The following PRR16 variants were observed in gnomAD, a reference collection of about 807,000 sequenced individuals.
PRR16 encodes protein Largen.
PRR16 carries 6 observed loss-of-function variants against 18.2 expected under a neutral mutation model. The observed-to-expected ratio is 0.33, with a 90% CI of 0.18 to 0.65. The LOEUF is 0.65. PRR16 is among the 30% of genes least tolerant of loss of function. The pLI is 0.74. For missense variants in PRR16, 412 were observed against 376.6 expected (o/e 1.09, Z -0.78); for synonymous variants, 151 against 147.8 (o/e 1.02, Z -0.16).
At chr5:120,738,423 T>G in the PRR16 span, among the ~76,000 whole-genome samples, 1 of 152,132 alleles carries the variant, frequency 6.6e-6, no homozygotes, top group African/African-American at 2.4e-5. Context: ...ATATTTTTAT[T>G]TCACATTTTT....
At chr5:120,769,924 T>C in the PRR16 span, among the ~76,000 whole-genome samples, 1 of 143,838 alleles carries the variant, frequency 7.0e-6, no homozygotes, top group Admixed American at 7.0e-5. Flanking sequence ...AGGTGATATT[T>C]CGTTGTACTT....
chr5:120,566,175 T>C (rs990763811), intron 1 of PRR16, among the ~76,000 whole-genome samples: 8 of 152,172 alleles, frequency 5.3e-5, no homozygotes, highest in East Asian at 1.9e-4. Context: ...CCCAGCCCCA[T>C]TTTTTCTGTC....
At chr5:120,528,174 G>T (rs759624087) in intron 1 of PRR16, among the ~76,000 whole-genome samples, 32 of 152,262 alleles carry the variant, frequency 2.1e-4, no homozygotes, top group Non-Finnish European at 3.7e-4. Context: ...ATTCTAAAAG[G>T]TAGGTAGAAT....
chr5:120,622,231 C>T (rs939357162), intron 1 of PRR16, among the ~76,000 whole-genome samples: 1 of 151,992 alleles, frequency 6.6e-6, no homozygotes, highest in Non-Finnish European at 1.5e-5. Context: ...TTTCTGAGAC[C>T]TCAATATCTA....
At chr5:120,734,622 G>A in the PRR16 span, among the ~76,000 whole-genome samples, 8 of 152,008 alleles carry the variant, frequency 5.3e-5, no homozygotes, top group African/African-American at 1.9e-4. Flanking sequence ...AAAACAAAAT[G>A]CTTTTTACAT....
At chr5:120,745,388 G>T in the PRR16 span, among the ~76,000 whole-genome samples, 1 of 152,072 alleles carries the variant, frequency 6.6e-6, no homozygotes. Context: ...TTGGAAGTTT[G>T]TTCTCTTTAA....
At chr5:120,615,093 T>C (rs766789810) in intron 1 of PRR16, among the ~76,000 whole-genome samples, 1 of 152,210 alleles carries the variant, frequency 6.6e-6, no homozygotes, top group Non-Finnish European at 1.5e-5. Flanking sequence ...TATGTGCTTT[T>C]AAAAGTGTGA....
At chr5:120,496,778 G>A (rs1580648290) in intron 1 of PRR16, among the ~76,000 whole-genome samples, 1 of 151,620 alleles carries the variant, frequency 6.6e-6, no homozygotes, top group East Asian at 1.9e-4. Context: ...CTAGGCTCTT[G>A]AAGTAGATGC....
At chr5:120,641,673 T>G (rs1323460284) in intron 1 of PRR16, among the ~76,000 whole-genome samples, 3 of 152,034 alleles carry the variant, frequency 2.0e-5, no homozygotes, top group African/African-American at 4.8e-5. Context: ...CTAGATGGCT[T>G]TCATTCTTTC....
chr5:120,576,293 C>T (rs190888318), intron 1 of PRR16, among the ~76,000 whole-genome samples: 226 of 152,214 alleles, frequency 1.5e-3, no homozygotes, highest in Admixed American at 3.1e-3. Flanking sequence ...ATAAAAGACT[C>T]AAACAACTCA....
At chr5:120,759,403 A>T in the PRR16 span, among the ~76,000 whole-genome samples, 2 of 152,170 alleles carry the variant, frequency 1.3e-5, 1 homozygote, top group Non-Finnish European at 2.9e-5. Context: ...CAAAACATAT[A>T]AAGAACTCTT....
chr5:120,485,968 A>G (rs1749785362), intron 1 of PRR16, among the ~76,000 whole-genome samples: 1 of 152,166 alleles, frequency 6.6e-6, no homozygotes, highest in African/African-American at 2.4e-5. Flanking sequence ...GTCCCTACAA[A>G]GGACATGAAC....
At chr5:120,602,192 C>T (rs890070037) in intron 1 of PRR16, among the ~76,000 whole-genome samples, 2 of 152,056 alleles carry the variant, frequency 1.3e-5, no homozygotes, top group African/African-American at 4.8e-5. Context: ...TCTTTCTATT[C>T]ATGACCGTGG....
chr5:120,631,650 C>T (rs573397933), intron 1 of PRR16, among the ~76,000 whole-genome samples: 2 of 152,064 alleles, frequency 1.3e-5, no homozygotes, highest in Non-Finnish European at 2.9e-5. Flanking sequence ...GAGAACTACA[C>T]TCCTATTCCC....
the PRR16 span, among the ~76,000 whole-genome samples, chr5:120,773,867 C>A: frequency 2.0e-5 from 3 of 151,952 alleles, no homozygotes; most frequent in African/African-American, 7.3e-5. Context: ...TGGAGCAAGG[C>A]AGAAATAGCA....
chr5:120,467,112 T>A (rs554643629), intron 1 of PRR16, among the ~76,000 whole-genome samples: 1 of 152,302 alleles, frequency 6.6e-6, no homozygotes, highest in East Asian at 1.9e-4. Flanking sequence ...TTTGGTATAG[T>A]TTTGGATAAA....
intron 1 of PRR16, among the ~76,000 whole-genome samples, chr5:120,648,108 A>G (rs1156425396): frequency 1.3e-5 from 2 of 152,146 alleles, no homozygotes; most frequent in South Asian, 2.1e-4. Flanking sequence ...CTGAGTATTA[A>G]TATGCTAATT....
chr5:120,766,889 ATTTAAACTTATTTCAAAGTACCTGT>A, the PRR16 span, among the ~76,000 whole-genome samples: 3 of 151,918 alleles, frequency 2.0e-5, no homozygotes, highest in Non-Finnish European at 4.4e-5. Flanking sequence ...AGAATATTTG[ATTTAAACTTATTTCAAAGTACCTGT>A]TTTATCTCCT....
chr5:120,506,464 G>C (rs1249495361), intron 1 of PRR16, among the ~76,000 whole-genome samples: 1 of 151,998 alleles, frequency 6.6e-6, no homozygotes, highest in South Asian at 2.1e-4. Context: ...AGTTAGTACT[G>C]TATTCAGCCA....
Sources: gnomAD v4.1 joint callset for allele counts (sites outside exome capture counted in the v4.1 genomes callset) on GRCh38, gnomAD v4.1.1 for gene constraint, MANE v1.5 for transcripts, NCBI Gene and HGNC (gene_info 2026-07-23, HGNC 2026-07-21) for gene names.